RAB3C: variants seen among roughly 807,000 people sequenced by gnomAD.
The protein encoded by RAB3C is ras-related protein Rab-3C.
In RAB3C, 17 loss-of-function variants were observed where a neutral mutation model predicts 26.4. The ratio of observed to expected loss-of-function variants is 0.64; its 90% CI spans 0.44 to 0.97. The LOEUF is 0.97. Among genes scored for constraint, RAB3C ranks in the 50% least tolerant of loss-of-function variants. RAB3C has a pLI of 0.00. For synonymous variants in RAB3C, 91 were observed against 95.9 expected (o/e 0.95, Z 0.30); for missense variants, 242 against 281.9 (o/e 0.86, Z 1.01).
chr5:58,786,747 A>T (rs1742393481), intron 3 of RAB3C, among the ~76,000 whole-genome samples: 1 of 151,950 alleles, frequency 6.6e-6, no homozygotes, highest in South Asian at 2.1e-4. Flanking sequence ...CCAATCTAGG[A>T]AGTAAAGAAC....
intron 2 of RAB3C, among the ~76,000 whole-genome samples, chr5:58,682,596 A>G (rs2111843167): frequency 6.6e-6 from 1 of 151,732 alleles, no homozygotes; most frequent in African/African-American, 2.4e-5. Context: ...AGGCGGGAGA[A>G]TGGCGTGAAC....
chr5:58,783,114 T>G (rs1183246113), intron 3 of RAB3C, among the ~76,000 whole-genome samples: 1 of 152,152 alleles, frequency 6.6e-6, no homozygotes, highest in Non-Finnish European at 1.5e-5. Context: ...TGTGTTTTCC[T>G]AACCTTATTC....
At chr5:58,590,715 G>T (rs780374580) in intron 1 of RAB3C, among the ~76,000 whole-genome samples, 1 of 151,856 alleles carries the variant, frequency 6.6e-6, no homozygotes, top group Non-Finnish European at 1.5e-5. Flanking sequence ...GCTAATTTTT[G>T]CATTTTTCGT....
chr5:58,610,963 G>T (rs1746686784), intron 1 of RAB3C, among the ~76,000 whole-genome samples: 1 of 151,758 alleles, frequency 6.6e-6, no homozygotes, highest in East Asian at 1.9e-4. Context: ...GTGTCCGTGT[G>T]TTCTCATCAT....
chr5:58,704,260 C>T (rs1748902889), intron 2 of RAB3C, among the ~76,000 whole-genome samples: 3 of 152,198 alleles, frequency 2.0e-5, no homozygotes, highest in Admixed American at 2.0e-4. Flanking sequence ...AGAAACATTC[C>T]TGGCTTTAAT....
chr5:58,787,154 C>G (rs889062233), intron 3 of RAB3C, among the ~76,000 whole-genome samples: 2 of 152,206 alleles, frequency 1.3e-5, no homozygotes, highest in African/African-American at 4.8e-5. Flanking sequence ...CACACCTGCC[C>G]CATGGGAAGC....
intron 3 of RAB3C, among the ~76,000 whole-genome samples, chr5:58,803,095 G>A (rs962612664): frequency 2.6e-5 from 4 of 152,228 alleles, no homozygotes; most frequent in African/African-American, 9.6e-5. Flanking sequence ...ATTGAGCTAT[G>A]TAGAGGCTGG....
chr5:58,717,982 G>A (rs10514878), intron 2 of RAB3C, among the ~76,000 whole-genome samples: 8,880 of 152,158 alleles, frequency 0.058, 867 homozygotes, highest in African/African-American at 0.2. Context: ...AATAGTAAAA[G>A]TCCCATTCAA....
chr5:58,857,456 A>G lies in RAB3C; in HGVS notation c.*6105A>G, dbSNP rs1744290255. The G allele has an allele frequency of 6.6e-6, 1 of 152,174 alleles. No individual in the cohort carries two copies. The highest frequency in any genetic ancestry group is 2.4e-5 in the African/African-American group (1 of 41,464). The allele number at this position is 152,174 out of a possible 1,614,324, so 9.4% of individuals were successfully genotyped here. On this transcript the variant is annotated 3_prime_UTR_variant, in exon 5 of 5. Transcript: ENST00000282878. The stretch of plus-strand genomic sequence containing the variant: ...TTCTTTAAGTGTCATATAAAAGTGT[A>G]CATTTTACTTTTAAGCAACTAATTT...
chr5:58,841,972 T>A (rs1384498828), intron 4 of RAB3C, among the ~76,000 whole-genome samples: 1 of 152,184 alleles, frequency 6.6e-6, no homozygotes, highest in East Asian at 1.9e-4. Context: ...GCATGTGATG[T>A]TAAGGGATAC....
intron 3 of RAB3C, among the ~76,000 whole-genome samples, chr5:58,737,874 A>G (rs1481944716): frequency 6.6e-6 from 1 of 152,086 alleles, no homozygotes; most frequent in Non-Finnish European, 1.5e-5. Flanking sequence ...TGGAGAGAAT[A>G]TCTGGGTAGG....
At chr5:58,655,773 A>G (rs570645507) in intron 2 of RAB3C, among the ~76,000 whole-genome samples, 1 of 151,954 alleles carries the variant, frequency 6.6e-6, no homozygotes, top group Admixed American at 6.6e-5. Flanking sequence ...AATGGCTGAC[A>G]AAGTAAAACC....
intron 4 of RAB3C, among the ~76,000 whole-genome samples, chr5:58,825,540 G>T (rs973107163): frequency 5.9e-5 from 9 of 152,038 alleles, no homozygotes; most frequent in Admixed American, 2.0e-4. Context: ...GTTTCCATTG[G>T]AGGAGGATAA....
chr5:58,593,197 T>A (rs938100000), intron 1 of RAB3C, among the ~76,000 whole-genome samples: 9 of 152,184 alleles, frequency 5.9e-5, no homozygotes, highest in Admixed American at 5.9e-4. Context: ...TTGTTAAGCC[T>A]GTCCAGGAAT....
At chr5:58,648,302 A>G (rs1747570072) in intron 2 of RAB3C, among the ~76,000 whole-genome samples, 1 of 152,120 alleles carries the variant, frequency 6.6e-6, no homozygotes, top group Admixed American at 6.5e-5. Flanking sequence ...CCACCCATCC[A>G]TGCATTCAAC....
At chr5:58,790,730 G>GA (rs1388052409) in intron 3 of RAB3C, among the ~76,000 whole-genome samples, 1 of 152,026 alleles carries the variant, frequency 6.6e-6, no homozygotes, top group Non-Finnish European at 1.5e-5. Flanking sequence ...CCTAAGAGAA[G>GA]AAAAAATGAT....
At chr5:58,696,676 C>A (rs941576463) in intron 2 of RAB3C, among the ~76,000 whole-genome samples, 4 of 152,140 alleles carry the variant, frequency 2.6e-5, no homozygotes, top group Non-Finnish European at 4.4e-5. Context: ...AGGAATTTAT[C>A]CATTTCTTCT....
At chr5:58,623,834 G>A (rs1324980666) in intron 2 of RAB3C, among the ~76,000 whole-genome samples, 1 of 152,100 alleles carries the variant, frequency 6.6e-6, no homozygotes. Flanking sequence ...GCTTGAGCAG[G>A]GACTTTGGAG....
At chr5:58,640,400 G>T (rs752898268) in intron 2 of RAB3C, among the ~76,000 whole-genome samples, 3 of 152,166 alleles carry the variant, frequency 2.0e-5, no homozygotes, top group Non-Finnish European at 4.4e-5. Context: ...ATAACTCGGA[G>T]TGTGGAATGA....
Sources: allele counts gnomAD v4.1 joint callset (sites outside exome capture counted in the v4.1 genomes callset), GRCh38; gene constraint gnomAD v4.1.1; transcripts MANE v1.5; gene names NCBI Gene and HGNC (gene_info 2026-07-23, HGNC 2026-07-21).